OLAH: variants seen among roughly 807,000 people sequenced by gnomAD.
OLAH encodes S-acyl fatty acid synthase thioesterase, medium chain.
OLAH carries 33 observed loss-of-function variants against 27.8 expected under a neutral mutation model. The observed-to-expected ratio is 1.19, with a 90% CI of 0.90 to 1.59. OLAH has a LOEUF of 1.59. Ranked by LOEUF, OLAH falls within the 40% of genes most tolerant of loss-of-function variation. The pLI, the probability that OLAH is intolerant of heterozygous loss-of-function variation, is 0.00. For missense variants in OLAH, 359 were observed against 310.8 expected (o/e 1.16, Z -1.17); for synonymous variants, 120 against 102.9 (o/e 1.17, Z -1.01).
At chr10:15,069,397 A>G (rs1325546086) in intron 6 of OLAH, among the ~76,000 whole-genome samples, 1 of 152,144 alleles carries the variant, frequency 6.6e-6, no homozygotes, top group Non-Finnish European at 1.5e-5. Flanking sequence ...AGAGGGTTTC[A>G]TGCCCCTCTT....
chr10:15,048,300 C>T (rs543417273), intron 2 of OLAH, among the ~76,000 whole-genome samples: 11 of 152,134 alleles, frequency 7.2e-5, no homozygotes, highest in South Asian at 6.2e-4. Flanking sequence ...TCACTGCAAC[C>T]CCCCCCTCCT....
intron 1 of OLAH, among the ~76,000 whole-genome samples, chr10:15,037,605 T>C (rs1015937452): frequency 1.4e-5 from 2 of 139,456 alleles, no homozygotes; most frequent in Non-Finnish European, 3.2e-5. Context: ...AAGTCACTAG[T>C]TGTAACTGTG....
upstream of OLAH, among the ~76,000 whole-genome samples, chr10:15,040,491 C>T (rs1229903961): frequency 6.6e-6 from 1 of 152,136 alleles, no homozygotes; most frequent in Non-Finnish European, 1.5e-5. Flanking sequence ...AATGATCTCT[C>T]CTACATTCCT....
intron 1 of OLAH, among the ~76,000 whole-genome samples, chr10:15,034,102 ATT>A (rs374141373): frequency 0.012 from 738 of 60,764 alleles, 7 homozygotes; most frequent in African/African-American, 0.031. Flanking sequence ...AGACTCCACC[ATT>A]TTTTTTTTTT....
chr10:15,046,765 A>G (rs1038119933), intron 1 of OLAH, among the ~76,000 whole-genome samples: 25 of 152,340 alleles, frequency 1.6e-4, no homozygotes, highest in African/African-American at 5.5e-4. Flanking sequence ...ACAACTTTAC[A>G]AACACTTAGA....
intron 2 of OLAH, among the ~76,000 whole-genome samples, chr10:15,048,572 T>C (rs370381341): frequency 7.2e-5 from 11 of 152,206 alleles, no homozygotes; most frequent in African/African-American, 2.7e-4. Context: ...AAGTCAAAAT[T>C]ATATGCTCTA....
chr10:15,047,234 G>T lies in OLAH; in HGVS notation c.-55G>T. 5 of 1,597,918 alleles carry T rather than the reference G, an allele frequency of 3.1e-6. No homozygotes were observed. Among genetic ancestry groups the T allele is most frequent in the South Asian group, 2.2e-5 (2 of 89,728 alleles). ...TTCGTCTCAAGAGGAACTGACTTCT[G>T]TTGAGCACTCAACACGCCACAGAGA... On this transcript the variant is annotated 5_prime_UTR_variant, in exon 2 of 8. Coordinates refer to ENST00000378228, the MANE Select transcript of OLAH (RefSeq NM_001039702.3).
At chr10:15,054,636 C>A (rs1844211737) in intron 3 of OLAH, among the ~76,000 whole-genome samples, 1 of 152,090 alleles carries the variant, frequency 6.6e-6, no homozygotes, top group Admixed American at 6.6e-5. Context: ...GTTTTCCCTT[C>A]CATGACTACT....
intron 1 of OLAH, among the ~76,000 whole-genome samples, chr10:15,034,116 T>G (rs1432448105): frequency 2.7e-4 from 29 of 106,596 alleles, no homozygotes; most frequent in African/African-American, 9.8e-4. Flanking sequence ...TTTTTTTTTC[T>G]TTTTTTTTTT....
At chr10:15,053,710 TCTAAG>T (rs1844189850) in intron 3 of OLAH, among the ~76,000 whole-genome samples, 1 of 151,972 alleles carries the variant, frequency 6.6e-6, no homozygotes, top group African/African-American at 2.4e-5. Flanking sequence ...TTGTTTCTGT[TCTAAG>T]CTTTTTTTTT....
At chr10:15,071,481 A>C in intron 6 of OLAH, 2 of 973,660 alleles carry the variant, frequency 2.1e-6, no homozygotes, top group Non-Finnish European at 2.4e-6. Context: ...GAGTTACTAA[A>C]GAGGTCTTCG....
chr10:15,043,375 C>T (rs1004755248), upstream of OLAH, among the ~76,000 whole-genome samples: 9 of 151,950 alleles, frequency 5.9e-5, no homozygotes, highest in African/African-American at 2.2e-4. Context: ...CACTCTTTAT[C>T]ATCTAGATGT....
intron 3 of OLAH, among the ~76,000 whole-genome samples, chr10:15,060,359 G>A (rs1844339010): frequency 6.6e-6 from 1 of 151,974 alleles, no homozygotes; most frequent in Admixed American, 6.6e-5. Flanking sequence ...TAGTAGAGAT[G>A]GGGTTTCACC....
At position 15,036,851 on chromosome 10, in the gene OLAH, C is replaced by A. The variant is rs111864868; in HGVS notation, c.-164+4501C>A. On this transcript the variant is annotated intron_variant, in intron 1 of 3. Transcript: ENST00000413672. ...ATCACAATATTCTGGGAGGCTGAGGCAGGCAGATCACGAGGTCAAGAGTTT... is the reference window on the plus strand; with the variant it reads ...ATCACAATATTCTGGGAGGCTGAGGAAGGCAGATCACGAGGTCAAGAGTTT... Among the ~76,000 whole-genome samples the A allele has an allele frequency of 8.0e-3, 1,214 of 152,214 alleles. 15 individuals carry two copies. The highest frequency in any genetic ancestry group is 0.028 in the African/African-American group (1,157 of 41,518).
chr10:15,034,007 A>G (rs1389519675), intron 1 of OLAH, among the ~76,000 whole-genome samples: 1 of 152,068 alleles, frequency 6.6e-6, no homozygotes, highest in African/African-American at 2.4e-5. Flanking sequence ...GAGGAACTTT[A>G]GCAAAAGAAT....
chr10:15,065,955 G>A (rs117605182), intron 6 of OLAH, among the ~76,000 whole-genome samples: 59 of 152,218 alleles, frequency 3.9e-4, no homozygotes, highest in Non-Finnish European at 7.2e-4. Context: ...AAGATGTCTA[G>A]CATGGCCAGG....
At chr10:15,044,761 C>G (rs985870233) in intron 1 of OLAH, among the ~76,000 whole-genome samples, 9 of 152,106 alleles carry the variant, frequency 5.9e-5, no homozygotes, top group African/African-American at 2.2e-4. Flanking sequence ...AGATATCATT[C>G]TATTCTCTTC....
At chr10:15,070,377 T>C (rs567210436) in intron 6 of OLAH, among the ~76,000 whole-genome samples, 35 of 152,320 alleles carry the variant, frequency 2.3e-4, no homozygotes, top group African/African-American at 8.2e-4. Flanking sequence ...TTCCTTTCAC[T>C]CTTAGGACAA....
At position 15,073,517 on chromosome 10, in the gene OLAH, G is replaced by A. The variant is rs929759458; in HGVS notation, c.*288G>A. 8 of 230,496 alleles carry A rather than the reference G, an allele frequency of 3.5e-5. No individual in the cohort carries two copies. Among genetic ancestry groups the A allele is most frequent in the East Asian group, 1.4e-4 (1 of 6,958 alleles). 14.3% of individuals were successfully genotyped at this position (230,496 alleles called of 1,614,324 possible). The stretch of plus-strand genomic sequence containing the variant: ...CTACTAAAAATACACAAAATTAGCC[G>A]GGCGTGGTGGTGGGCACCTGTAGTC... On this transcript the variant is annotated 3_prime_UTR_variant, in exon 8 of 8. Coordinates refer to ENST00000378228, the MANE Select transcript of OLAH (RefSeq NM_001039702.3).
Sources: allele counts gnomAD v4.1 joint callset (sites outside exome capture counted in the v4.1 genomes callset), GRCh38; gene constraint gnomAD v4.1.1; transcripts MANE v1.5; gene names NCBI Gene and HGNC (gene_info 2026-07-23, HGNC 2026-07-21).